Variants in EHBP1 observed in about 807,000 individuals in gnomAD.
EHBP1 encodes the protein EH domain-binding protein 1.
A neutral mutation model predicts 144.0 loss-of-function variants in EHBP1; 55 were observed. The observed-to-expected ratio is 0.38, with a 90% CI of 0.31 to 0.48. EHBP1 has a LOEUF of 0.48. Among genes scored for constraint, EHBP1 ranks in the 20% least tolerant of loss-of-function variants. The pLI is 0.98. For synonymous variants in EHBP1, 469 were observed against 472.7 expected (o/e 0.99, Z 0.10); for missense variants, 1,200 against 1,364.2 (o/e 0.88, Z 1.90).
chr2:62,987,231 CATTA>C (rs972161533), intron 15 of EHBP1, among the ~76,000 whole-genome samples: 1 of 152,012 alleles, frequency 6.6e-6, no homozygotes, highest in African/African-American at 2.4e-5. Context: ...AAATTGACTC[CATTA>C]ATTAATTATG....
intron 8 of EHBP1, among the ~76,000 whole-genome samples, chr2:62,863,242 A>T (rs1206647271): frequency 7.9e-5 from 12 of 151,740 alleles, no homozygotes; most frequent in Non-Finnish European, 1.5e-5. Context: ...CCGAGATTGC[A>T]CCACTGCACT....
At position 62,735,268 on chromosome 2, in the gene EHBP1, CA is replaced by C. The variant is rs555353232; in HGVS notation, c.105-12126del. ...TTTCTTGGCTTATCAGTTATACTTC[CA>C]TTTTTTTTTTTAACTTTTTTTTTGT... On this transcript the variant is annotated intron_variant, in intron 2 of 22. Transcript: ENST00000431489. Among the ~76,000 whole-genome samples the C allele has an allele frequency of 8.7e-4, 131 of 151,282 alleles. 2 individuals carry two copies. The highest frequency in any genetic ancestry group is 2.9e-3 in the African/African-American group (119 of 40,880).
chr2:62,814,427 T>G (rs1166179548), intron 5 of EHBP1, among the ~76,000 whole-genome samples: 1 of 152,258 alleles, frequency 6.6e-6, no homozygotes, highest in Non-Finnish European at 1.5e-5. Context: ...TTACTCAGTC[T>G]CTGGTATTCT....
chr2:62,829,232 TAAGTGAA>T (rs1381284263), intron 6 of EHBP1, among the ~76,000 whole-genome samples: 2 of 152,118 alleles, frequency 1.3e-5, no homozygotes, highest in Non-Finnish European at 2.9e-5. Flanking sequence ...TTTCAATAAA[TAAGTGAA>T]ACAGGTGGTG....
At chr2:62,823,597 G>T (rs1004526050) in intron 5 of EHBP1, among the ~76,000 whole-genome samples, 3 of 152,072 alleles carry the variant, frequency 2.0e-5, no homozygotes, top group African/African-American at 4.8e-5. Flanking sequence ...TCCATCTTGG[G>T]TGGGTACAGA....
intron 5 of EHBP1, among the ~76,000 whole-genome samples, chr2:62,803,743 T>A (rs1351734602): frequency 6.6e-6 from 1 of 152,258 alleles, no homozygotes; most frequent in Non-Finnish European, 1.5e-5. Flanking sequence ...TTTTCAGCAT[T>A]GCAAATAGTG....
chr2:62,693,937 A>T (rs902507862), intron 1 of EHBP1, among the ~76,000 whole-genome samples: 2 of 152,142 alleles, frequency 1.3e-5, no homozygotes, highest in African/African-American at 4.8e-5. Flanking sequence ...GATGAAGTCC[A>T]GTTTATCTGT....
At chr2:62,719,662 G>A (rs759786559) in intron 2 of EHBP1, among the ~76,000 whole-genome samples, 1 of 152,146 alleles carries the variant, frequency 6.6e-6, no homozygotes, top group Non-Finnish European at 1.5e-5. Flanking sequence ...TATCAAACAT[G>A]TACAGATTTG....
At chr2:62,686,256 T>C (rs1253491898) in intron 1 of EHBP1, among the ~76,000 whole-genome samples, 1 of 152,174 alleles carries the variant, frequency 6.6e-6, no homozygotes, top group East Asian at 1.9e-4. Context: ...ACATGCATGA[T>C]TGCAACCCAT....
chr2:62,902,926 T>A (rs1218230776), intron 10 of EHBP1, among the ~76,000 whole-genome samples: 1 of 152,234 alleles, frequency 6.6e-6, no homozygotes, highest in Non-Finnish European at 1.5e-5. Flanking sequence ...CTAAATCTTA[T>A]CTTTAGTGTC....
intron 10 of EHBP1, among the ~76,000 whole-genome samples, chr2:62,913,770 A>G (rs1359997936): frequency 1.3e-5 from 2 of 152,206 alleles, no homozygotes; most frequent in Non-Finnish European, 2.9e-5. Context: ...TAAAGTAGAA[A>G]CATTAAAAGT....
chr2:62,948,296 T>C lies in EHBP1; in HGVS notation c.1450T>C (p.Leu484=). The stretch of plus-strand genomic sequence containing the variant: ...ATTTGCCAGCATAGGAATTTCCCGA[T>C]TATTGGAACCTTCTGATATGGTATT... ...DGFASIGISR[L]LEPSDMVLLA... Residue 484 remains leucine (L), a synonymous_variant, in exon 13 of 23, where the codon TTA becomes CTA. Transcript: ENST00000431489. 1 of 1,586,836 alleles carries C rather than the reference T, an allele frequency of 6.3e-7. No individual in the cohort carries two copies. The highest frequency in any genetic ancestry group is 8.6e-7 in the Non-Finnish European group (1 of 1,166,708).
At chr2:62,902,688 A>G (rs1272174188) in intron 10 of EHBP1, among the ~76,000 whole-genome samples, 1 of 152,208 alleles carries the variant, frequency 6.6e-6, no homozygotes, top group Non-Finnish European at 1.5e-5. Context: ...TTATTCTGTT[A>G]GGTTATAAAT....
chr2:62,936,400 C>A lies in EHBP1; in HGVS notation c.1186-6318C>A, dbSNP rs570310133. Among the ~76,000 whole-genome samples the A allele has an allele frequency of 2.6e-4, 39 of 152,238 alleles. No homozygotes were observed. In the South Asian group the frequency reaches 7.9e-3, roughly 31 times the overall value. On this transcript the variant is annotated intron_variant, in intron 10 of 22. Coordinates refer to ENST00000431489, the MANE Select transcript of EHBP1 (RefSeq NM_001142616.3). ...CACTACAGGTTTAATTTAGTCTTTT[C>A]AAAGAAGCAATTTTGGCTTTGCTGA...
chr2:62,757,117 C>T (rs934484088), intron 3 of EHBP1, among the ~76,000 whole-genome samples: 6 of 152,072 alleles, frequency 3.9e-5, no homozygotes, highest in Admixed American at 3.9e-4. Flanking sequence ...CAAATCTCTG[C>T]AACTGTTGGT....
At chr2:62,816,895 C>T (rs2045491893) in intron 5 of EHBP1, among the ~76,000 whole-genome samples, 2 of 152,190 alleles carry the variant, frequency 1.3e-5, no homozygotes, top group South Asian at 4.1e-4. Context: ...ACCCAGGGTC[C>T]CTTCTACCTG....
Position 62,775,947 on chromosome 2 carries a change from G to T in EHBP1, c.312+4555G>T, listed in dbSNP as rs1031928144. On this transcript the variant is annotated intron_variant, in intron 5 of 22. Transcript: ENST00000431489. ...TGAAAAGAGATCATTTGAAATTGTA[G>T]AATCATAGGGAAGCTTTTAATCAGT... 7.2e-5 allele frequency among the ~76,000 whole-genome samples: 11 copies of T among 152,270 alleles called. No homozygotes were observed. The East Asian group carries it at 7.7e-4, about 11-fold the overall frequency.
Position 62,954,965 on chromosome 2 carries a change from A to G in EHBP1, c.2317-552A>G, listed in dbSNP as rs1011761342. Among the ~76,000 whole-genome samples the G allele has an allele frequency of 4.7e-4, 72 of 152,262 alleles. 1 individual carries two copies. Among genetic ancestry groups the G allele is most frequent in the Non-Finnish European group, 7.4e-5 (5 of 67,968 alleles). ...CCAGGAGAATACTTTTTCAATTCTA[A>G]TATTTTCAATTGTTTTGTTATAAGG... On this transcript the variant is annotated intron_variant, in intron 13 of 22. Transcript: ENST00000431489.
At chr2:62,748,930 A>G (rs1340191978) in intron 3 of EHBP1, among the ~76,000 whole-genome samples, 1 of 152,158 alleles carries the variant, frequency 6.6e-6, no homozygotes, top group Non-Finnish European at 1.5e-5. Context: ...ATCAATATGT[A>G]TACTTGTATA....
Sources: gnomAD v4.1 joint callset for allele counts (sites outside exome capture counted in the v4.1 genomes callset) on GRCh38, gnomAD v4.1.1 for gene constraint, MANE v1.5 for transcripts, NCBI Gene and HGNC (gene_info 2026-07-23, HGNC 2026-07-21) for gene names.